Variants in FBXW10B observed in about 807,000 individuals in gnomAD.
FBXW10B encodes the protein F-box and WD repeat domain containing 10B.
chr17:15,615,893 T>G, the FBXW10B span: 1 of 1,573,160 alleles, frequency 6.4e-7, no homozygotes, highest in East Asian at 2.3e-5. Flanking sequence ...TTTTCATTTT[T>G]TCTTCCTTCT....
At chr17:15,603,746 C>T in the FBXW10B span, among the ~76,000 whole-genome samples, 2 of 144,908 alleles carry the variant, frequency 1.4e-5, no homozygotes, top group African/African-American at 2.6e-5. Context: ...ATCCAAGACC[C>T]GTCTCTGGCA....
chr17:15,593,850 A>G, the FBXW10B span, among the ~76,000 whole-genome samples: 2 of 152,026 alleles, frequency 1.3e-5, no homozygotes, highest in African/African-American at 4.8e-5. Context: ...GCTGGTCATG[A>G]AATCCTGACC....
At chr17:15,569,465 T>C in the FBXW10B span, among the ~76,000 whole-genome samples, 7 of 132,756 alleles carry the variant, frequency 5.3e-5, no homozygotes, top group Admixed American at 1.5e-4. Context: ...CTTTTTTTTT[T>C]TTTTTTTTTT....
the FBXW10B span, among the ~76,000 whole-genome samples, chr17:15,610,371 T>C: frequency 6.6e-6 from 1 of 151,334 alleles, no homozygotes. Flanking sequence ...CTCTTTGTTG[T>C]GCTTATCTGG....
the FBXW10B span, among the ~76,000 whole-genome samples, chr17:15,587,020 C>T: frequency 3.8e-4 from 57 of 151,608 alleles, 1 homozygote; most frequent in South Asian, 6.2e-3. Context: ...CTTGAGAAGG[C>T]AGGAGAAGAG....
the FBXW10B span, chr17:15,612,887 C>A: frequency 1.1e-5 from 17 of 1,573,360 alleles, no homozygotes; most frequent in Non-Finnish European, 1.5e-5. Context: ...TCCAACTCTG[C>A]AGGAGGAAGG....
At chr17:15,607,648 C>A in the FBXW10B span, 11 of 1,613,600 alleles carry the variant, frequency 6.8e-6, no homozygotes, top group Non-Finnish European at 9.3e-6. Flanking sequence ...GCTGCGTTTC[C>A]TCGTTCTGGT....
the FBXW10B span, among the ~76,000 whole-genome samples, chr17:15,608,794 ATTTGTCCTTGTAGCTGCC>A: frequency 6.6e-6 from 1 of 152,146 alleles, no homozygotes; most frequent in East Asian, 1.9e-4. Flanking sequence ...TGCAACTTTC[ATTTGTCCTTGTAGCTGCC>A]TTACAAAGTA....
chr17:15,606,167 G>A, the FBXW10B span, among the ~76,000 whole-genome samples: 1 of 141,340 alleles, frequency 7.1e-6, no homozygotes, highest in Non-Finnish European at 1.5e-5. Context: ...GGCCTCAAAC[G>A]ATCTTCCTAC....
At chr17:15,606,653 A>ATATG in the FBXW10B span, among the ~76,000 whole-genome samples, 3 of 149,562 alleles carry the variant, frequency 2.0e-5, no homozygotes, top group African/African-American at 7.5e-5. Context: ...GTATATATAT[A>ATATG]TGTGTGTGTA....
chr17:15,568,128 G>T, the FBXW10B span, among the ~76,000 whole-genome samples: 1 of 152,244 alleles, frequency 6.6e-6, no homozygotes, highest in Non-Finnish European at 1.5e-5. Context: ...AGGTTGCAGA[G>T]AGGTAAATAA....
the FBXW10B span, among the ~76,000 whole-genome samples, chr17:15,585,594 A>G: frequency 6.6e-6 from 1 of 152,248 alleles, no homozygotes; most frequent in Non-Finnish European, 1.5e-5. Context: ...ATGATTTCCC[A>G]TCCAAATGCT....
the FBXW10B span, among the ~76,000 whole-genome samples, chr17:15,600,334 C>G: frequency 1.4e-5 from 2 of 147,768 alleles, no homozygotes; most frequent in Admixed American, 6.9e-5. Context: ...CTAATATTCC[C>G]AAGGGTTTTG....
At chr17:15,583,815 C>G in the FBXW10B span, among the ~76,000 whole-genome samples, 4 of 152,278 alleles carry the variant, frequency 2.6e-5, no homozygotes, top group Admixed American at 2.6e-4. Flanking sequence ...TTTCTTACTG[C>G]TAAAATGAGG....
chr17:15,590,155 T>C, the FBXW10B span, among the ~76,000 whole-genome samples: 75,998 of 148,862 alleles, frequency 0.51, 20,803 homozygotes, highest in Middle Eastern at 0.62. Flanking sequence ...TTTCTGCCAC[T>C]GTCTCCTCAT....
the FBXW10B span, among the ~76,000 whole-genome samples, chr17:15,569,827 G>C: frequency 6.6e-6 from 1 of 151,930 alleles, no homozygotes; most frequent in Admixed American, 6.6e-5. Flanking sequence ...TTTCTGTCTT[G>C]GCCTCCCAAA....
chr17:15,580,375 G>A, the FBXW10B span, among the ~76,000 whole-genome samples: 1 of 151,822 alleles, frequency 6.6e-6, no homozygotes, highest in Non-Finnish European at 1.5e-5. Context: ...TAATTCCTCT[G>A]TTCTTAATAA....
At chr17:15,619,095 G>A in the FBXW10B span, 5 of 1,613,858 alleles carry the variant, frequency 3.1e-6, no homozygotes, top group Non-Finnish European at 4.2e-6. Context: ...ATCTGCAGCA[G>A]TAAGAGAGTA....
At chr17:15,595,303 G>A in the FBXW10B span, among the ~76,000 whole-genome samples, 1 of 151,890 alleles carries the variant, frequency 6.6e-6, no homozygotes, top group Non-Finnish European at 1.5e-5. Flanking sequence ...TCTCACCACT[G>A]TGCTCCAGCC....
Sources: allele counts gnomAD v4.1 joint callset (sites outside exome capture counted in the v4.1 genomes callset), GRCh38; gene constraint gnomAD v4.1.1; transcripts MANE v1.5; gene names NCBI Gene and HGNC (gene_info 2026-07-23, HGNC 2026-07-21).